SRGAP2: variants seen among roughly 807,000 people sequenced by gnomAD.
SRGAP2 encodes the protein SLIT-ROBO Rho GTPase-activating protein 2.
In SRGAP2, 15 loss-of-function variants were observed where a neutral mutation model predicts 57.2. That is an observed-to-expected ratio of 0.26 (90% confidence interval 0.18 to 0.40). The LOEUF is 0.40. SRGAP2 is among the 10% of genes least tolerant of loss of function. The pLI, the probability that SRGAP2 is intolerant of heterozygous loss-of-function variation, is 1.00. For synonymous variants in SRGAP2, 249 were observed against 248.0 expected (o/e 1.00, Z -0.04); for missense variants, 520 against 669.6 (o/e 0.78, Z 2.47).
chr1:206,447,211 T>G (rs2103364733), intron 18 of SRGAP2, among the ~76,000 whole-genome samples: 1 of 151,440 alleles, frequency 6.6e-6, no homozygotes, highest in African/African-American at 2.4e-5. Flanking sequence ...TTCCCCTAAA[T>G]AGTATTTCAG....
At chr1:206,357,000 C>A (rs1279384992) in intron 4 of SRGAP2, among the ~76,000 whole-genome samples, 16 of 137,802 alleles carry the variant, frequency 1.2e-4, no homozygotes, top group South Asian at 2.2e-4. Context: ...AATTTGAATT[C>A]TTTGCACTAA....
At chr1:206,452,833 C>T (rs1019220795) in intron 19 of SRGAP2, among the ~76,000 whole-genome samples, 1 of 141,672 alleles carries the variant, frequency 7.1e-6, no homozygotes, top group African/African-American at 2.7e-5. Flanking sequence ...TTGCAGTGAG[C>T]CAAGATCGAG....
intron 13 of SRGAP2, among the ~76,000 whole-genome samples, chr1:206,423,555 C>T (rs1330070041): frequency 6.6e-6 from 1 of 152,156 alleles, no homozygotes; most frequent in African/African-American, 2.4e-5. Context: ...TTCGGGGGGA[C>T]TCCATTCTTC....
At chr1:206,315,223 TC>T (rs1344312990) in intron 3 of SRGAP2, among the ~76,000 whole-genome samples, 1 of 151,808 alleles carries the variant, frequency 6.6e-6, no homozygotes, top group African/African-American at 2.4e-5. Flanking sequence ...AAGCATAGAG[TC>T]AGCTGGCCAT....
intron 7 of SRGAP2, among the ~76,000 whole-genome samples, chr1:206,394,356 C>T (rs566164377): frequency 4.6e-4 from 70 of 152,264 alleles, no homozygotes; most frequent in African/African-American, 1.3e-3. Context: ...GCCCTGCACC[C>T]GACCTAGGAA....
intron 3 of SRGAP2, among the ~76,000 whole-genome samples, chr1:206,319,836 T>C (rs1553327171): frequency 6.9e-6 from 1 of 145,204 alleles, no homozygotes; most frequent in Non-Finnish European, 1.5e-5. Context: ...CGATGGAGTC[T>C]CTCACTCTGT....
At position 206,416,501 on chromosome 1, in the gene SRGAP2, C is replaced by G. The variant is rs561419734; in HGVS notation, c.1441+528C>G. Among the ~76,000 whole-genome samples, 9 of 152,292 alleles carry G rather than the reference C, an allele frequency of 5.9e-5. No homozygotes were observed. The East Asian group carries it at 1.5e-3, about 26-fold the overall frequency. On this transcript the variant is annotated intron_variant, in intron 11 of 22. Coordinates refer to ENST00000573034, the MANE Select transcript of SRGAP2 (RefSeq NM_015326.5). Reference sequence around the variant, plus strand: ...CTCCTAATGCTGTTTAAGTGGCAGCCCTCTCTCGTGTGGCTATGCTGAGGC... The same window carrying G: ...CTCCTAATGCTGTTTAAGTGGCAGCGCTCTCTCGTGTGGCTATGCTGAGGC...
intron 3 of SRGAP2, among the ~76,000 whole-genome samples, chr1:206,340,183 A>C (rs1471351984): frequency 2.0e-5 from 3 of 149,260 alleles, no homozygotes; most frequent in African/African-American, 7.5e-5. Context: ...ATCTTTGTTC[A>C]GTCATCTTTT....
intron 2 of SRGAP2, among the ~76,000 whole-genome samples, chr1:206,226,363 T>C (rs1667273184): frequency 6.6e-6 from 1 of 152,224 alleles, no homozygotes; most frequent in South Asian, 2.1e-4. Flanking sequence ...ATTACTCTCC[T>C]CCTTTTTAAA....
chr1:206,304,078 G>A (rs1672045641), intron 3 of SRGAP2, among the ~76,000 whole-genome samples: 1 of 152,126 alleles, frequency 6.6e-6, no homozygotes, highest in Non-Finnish European at 1.5e-5. Context: ...CTAGGTAGCT[G>A]CTAAGGTCTA....
chr1:206,333,305 C>T, intron 3 of SRGAP2: 4 of 1,209,172 alleles, frequency 3.3e-6, no homozygotes, highest in Admixed American at 3.5e-5. Context: ...ATCTTGGCTC[C>T]TCCCCCCTAC....
intron 17 of SRGAP2, among the ~76,000 whole-genome samples, chr1:206,445,361 C>G (rs116040127): frequency 2.0e-5 from 3 of 152,106 alleles, no homozygotes; most frequent in Non-Finnish European, 2.9e-5. Context: ...AATAAATACC[C>G]GAGAATGAAG....
chr1:206,295,467 C>G (rs1402370337), intron 2 of SRGAP2, among the ~76,000 whole-genome samples: 2 of 151,606 alleles, frequency 1.3e-5, no homozygotes, highest in East Asian at 3.9e-4. Context: ...TCGTGATCTG[C>G]CTGCCTCGGC....
At position 206,336,909 on chromosome 1, in the gene SRGAP2, CT is replaced by C. The variant is rs1553333820; in HGVS notation, c.261-5930del. ...ATGATTCCTTTTATCATGCATGTAC[CT>C]TTTTTTATTCACCACATACTTGTAT... On this transcript the variant is annotated intron_variant, in intron 3 of 22. Coordinates refer to ENST00000573034, the MANE Select transcript of SRGAP2 (RefSeq NM_015326.5). 9.8e-5 allele frequency among the ~76,000 whole-genome samples: 7 copies of C among 71,644 alleles called. No homozygotes were observed. The South Asian group carries it at 4.2e-3, about 43-fold the overall frequency. The allele number at this position is 71,644 out of a possible 152,430, so 47.0% of individuals were successfully genotyped here.
chr1:206,373,142 C>A (rs540218121), intron 4 of SRGAP2, among the ~76,000 whole-genome samples: 77 of 132,512 alleles, frequency 5.8e-4, no homozygotes, highest in Non-Finnish European at 1.1e-3. Flanking sequence ...GTCACCCAGG[C>A]TGGAGGGCAG....
chr1:206,279,700 A>G (rs1670621579), intron 2 of SRGAP2, among the ~76,000 whole-genome samples: 2 of 149,956 alleles, frequency 1.3e-5, no homozygotes, highest in Admixed American at 6.7e-5. Context: ...GATTACAGGC[A>G]TAAGCCACCG....
At chr1:206,369,814 A>C (rs1654359764) in intron 4 of SRGAP2, among the ~76,000 whole-genome samples, 1 of 152,234 alleles carries the variant, frequency 6.6e-6, no homozygotes, top group South Asian at 2.1e-4. Context: ...TAAGATTGTG[A>C]AATGGTGCAG....
intron 2 of SRGAP2, among the ~76,000 whole-genome samples, chr1:206,301,225 C>T (rs2102747462): frequency 6.6e-6 from 1 of 152,076 alleles, no homozygotes; most frequent in East Asian, 1.9e-4. Flanking sequence ...TTAGTAGAGA[C>T]AGGGTTTCAC....
intron 2 of SRGAP2, among the ~76,000 whole-genome samples, chr1:206,286,379 C>T (rs1415941495): frequency 1.3e-5 from 2 of 151,966 alleles, no homozygotes; most frequent in South Asian, 2.1e-4. Flanking sequence ...AGTAAATACT[C>T]GTTATAAAAA....
Sources: allele counts gnomAD v4.1 joint callset (sites outside exome capture counted in the v4.1 genomes callset), GRCh38; gene constraint gnomAD v4.1.1; transcripts MANE v1.5; gene names NCBI Gene and HGNC (gene_info 2026-07-23, HGNC 2026-07-21).